The following ZNF236 variants were observed in gnomAD, a reference collection of about 807,000 sequenced individuals.
The protein encoded by ZNF236 is regulated by glucose.
ZNF236 carries 50 observed loss-of-function variants against 191.2 expected under a neutral mutation model. The ratio of observed to expected loss-of-function variants is 0.26; its 90% CI spans 0.21 to 0.33. ZNF236 has a LOEUF of 0.33. ZNF236 is among the 10% of genes least tolerant of loss of function. ZNF236 has a pLI of 1.00. For missense variants in ZNF236, 1,754 were observed against 2,374.5 expected (o/e 0.74, Z 5.43); for synonymous variants, 907 against 928.8 (o/e 0.98, Z 0.43).
At chr18:76,822,692 CGCCGGCGGCCGGTGCGGGGCCCGCGCCCT>C (rs1301563732) in intron 1 of ZNF236, 30 bp downstream of exon 1, 3 of 146,744 alleles carry the variant, frequency 2.0e-5, no homozygotes, top group Non-Finnish European at 4.5e-5. Context: ...CCTCGCGCCC[CGCCGGCGGCCGGTGCGGGGCCCGCGCCCT>C]GCCAGTCCCC....
chr18:76,844,239 C>CAA (rs35737023), intron 1 of ZNF236, among the ~76,000 whole-genome samples: 2 of 86,530 alleles, frequency 2.3e-5, no homozygotes, highest in African/African-American at 4.3e-5. Context: ...GACTCCATCT[C>CAA]AAAAAAAAAA....
At position 76,972,060 on chromosome 18, in the gene ZNF236, T is replaced by G. The variant is rs895518689; in HGVS notation, c.*3721T>G. ...CGGATACTTCTGAAGGAAGCGTTCT[T>G]TTTGTGTCACTTAATCTGTGTTCAC... is the stretch of plus-strand genomic sequence containing the variant. On this transcript the variant is annotated 3_prime_UTR_variant, in exon 31 of 31. Transcript: ENST00000320610. 3.9e-5 allele frequency among the ~76,000 whole-genome samples: 6 copies of G among 152,212 alleles called. No homozygotes were observed. The highest frequency in any genetic ancestry group is 1.4e-4 in the African/African-American group (6 of 41,460).
chr18:76,859,776 AG>A (rs1484815020), intron 3 of ZNF236, among the ~76,000 whole-genome samples: 1 of 152,194 alleles, frequency 6.6e-6, no homozygotes, highest in Non-Finnish European at 1.5e-5. Flanking sequence ...GGTGCACTGC[AG>A]TGCCTCAGTT....
chr18:76,918,393 C>T (rs903623956), intron 19 of ZNF236, among the ~76,000 whole-genome samples: 1 of 152,160 alleles, frequency 6.6e-6, no homozygotes, highest in African/African-American at 2.4e-5. Context: ...CTCTAGATCA[C>T]TTATAATACC....
chr18:76,827,421 C>T (rs939600753), intron 1 of ZNF236, among the ~76,000 whole-genome samples: 3 of 152,014 alleles, frequency 2.0e-5, no homozygotes, highest in Non-Finnish European at 2.9e-5. Context: ...CTCCTGACCT[C>T]GTGATCCCCC....
intron 25 of ZNF236, chr18:76,936,398 C>G (rs1435284266): frequency 2.2e-6 from 1 of 456,630 alleles, no homozygotes; most frequent in Non-Finnish European, 4.4e-6. Context: ...ATGCTGAACC[C>G]GTCTCATCTG....
intron 2 of ZNF236, among the ~76,000 whole-genome samples, chr18:76,850,957 A>G (rs775165823): frequency 2.0e-5 from 3 of 151,356 alleles, no homozygotes; most frequent in Admixed American, 6.6e-5. Context: ...TAGAAGGGAA[A>G]AATCCAACTT....
chr18:76,856,864 G>A (rs1488677694), intron 3 of ZNF236, among the ~76,000 whole-genome samples: 1 of 152,128 alleles, frequency 6.6e-6, no homozygotes, highest in Non-Finnish European at 1.5e-5. Context: ...TGGTTCTTAT[G>A]GCTTGATTAG....
At chr18:76,934,777 G>A (rs142767746) in intron 25 of ZNF236, among the ~76,000 whole-genome samples, 182 of 152,256 alleles carry the variant, frequency 1.2e-3, no homozygotes, top group African/African-American at 3.9e-3. Flanking sequence ...CTGTTCTGCC[G>A]CCCCCACCTC....
chr18:76,960,906 C>T lies in ZNF236; in HGVS notation c.5419+51C>T. 1 of 1,539,488 alleles carries T rather than the reference C, an allele frequency of 6.5e-7. No homozygotes were observed. The highest frequency in any genetic ancestry group is 8.8e-7 in the Non-Finnish European group (1 of 1,140,468). On this transcript the variant is annotated intron_variant, in intron 30 of 30. Transcript: ENST00000320610. The surrounding 1 kb of genome is among the most constrained non-coding windows in gnomAD (Gnocchi z 4.4). ...GTGCTGTTCGGTGGCCTGCGAGGCA[C>T]CCTGTGTTTCGCATACATTGTTTCC...
At chr18:76,938,786 TG>T (rs1322996488) in intron 26 of ZNF236, among the ~76,000 whole-genome samples, 1 of 152,150 alleles carries the variant, frequency 6.6e-6, no homozygotes, top group Non-Finnish European at 1.5e-5. Flanking sequence ...CTGACCTGCC[TG>T]TAGCCAAGCA....
chr18:76,822,906 TGAGGCGG>T (rs1235852784), intron 1 of ZNF236, among the ~76,000 whole-genome samples: 141 of 147,538 alleles, frequency 9.6e-4, no homozygotes, highest in African/African-American at 3.1e-3. Flanking sequence ...GGGCGGCGGC[TGAGGCGG>T]GAGGCGGGAG....
chr18:76,826,863 C>A (rs1444153197), intron 1 of ZNF236, among the ~76,000 whole-genome samples: 1 of 150,468 alleles, frequency 6.6e-6, no homozygotes, highest in South Asian at 2.1e-4. Context: ...CCTTCATGTA[C>A]ACTAATTCCT....
intron 3 of ZNF236, among the ~76,000 whole-genome samples, chr18:76,864,196 CTTTTTTTT>C (rs1202084465): frequency 4.5e-5 from 6 of 132,160 alleles, no homozygotes; most frequent in African/African-American, 1.4e-4. Flanking sequence ...CAACAAATAT[CTTTTTTTT>C]TTTTTTTTTT....
rs907396411 is a variant in ZNF236, at chr18:76,925,790, T to C, written c.4027+236T>C. Reference sequence around the variant, plus strand: ...TGCTTTTTTACACTAAGCACTTTGTTTAGCTTTTGTTTTTAGTGGGTGTAA... The same window carrying C: ...TGCTTTTTTACACTAAGCACTTTGTCTAGCTTTTGTTTTTAGTGGGTGTAA... On this transcript the variant is annotated intron_variant, in intron 22 of 30. Coordinates refer to ENST00000320610, the MANE Select transcript of ZNF236 (RefSeq NM_001306089.2). The surrounding 1 kb of genome is among the most constrained non-coding windows in gnomAD (Gnocchi z 5.7). Among the ~76,000 whole-genome samples the C allele has an allele frequency of 3.9e-5, 6 of 152,354 alleles. No homozygotes were observed. The highest frequency in any genetic ancestry group is 1.4e-4 in the African/African-American group (6 of 41,594).
chr18:76,905,260 T>G lies in ZNF236; in HGVS notation c.2142T>G (p.Ser714=). Residue 714 remains serine (S), a synonymous_variant, in exon 13 of 31, where the codon TCT becomes TCG. Transcript: ENST00000320610. The stretch of plus-strand genomic sequence containing the variant: ...TCAGAACACACACAGGACTGAAATC[T>G]TTCAAGTGTCTGATATGTAATGGGG... ...AHIRTHTGLK[S]FKCLICNGAF... is the part of the protein sequence containing the mutation. 1 of 1,614,238 alleles carries G rather than the reference T, an allele frequency of 6.2e-7. No individual in the cohort carries two copies. The highest frequency in any genetic ancestry group is 1.3e-5 in the African/African-American group (1 of 75,074).
chr18:76,959,549 TAAG>T, intron 28 of ZNF236, 135 bp from the exon 29 acceptor site: 1 of 1,079,726 alleles, frequency 9.3e-7, no homozygotes, highest in Non-Finnish European at 1.3e-6. Flanking sequence ...TTGAAGTCCT[TAAG>T]AACACAAATC....
chr18:76,965,732 G>T lies in ZNF236; in HGVS notation c.5420-2483G>T, dbSNP rs117432796. ...GGTTGTCTGCACAGAGTCCTGTGATGTGAACCATTCATGGTCTCTCAGCCA... is the reference window on the plus strand; with the variant it reads ...GGTTGTCTGCACAGAGTCCTGTGATTTGAACCATTCATGGTCTCTCAGCCA... On this transcript the variant is annotated intron_variant, in intron 30 of 30. Coordinates refer to ENST00000320610, the MANE Select transcript of ZNF236 (RefSeq NM_001306089.2). Among the ~76,000 whole-genome samples, 173 of 152,362 alleles carry T rather than the reference G, an allele frequency of 1.1e-3. 2 individuals carry two copies. Among genetic ancestry groups the T allele is most frequent in the Admixed American group, 2.4e-3 (36 of 15,308 alleles).
chr18:76,832,883 C>T lies in ZNF236; in HGVS notation c.55+10221C>T, dbSNP rs138190459. On this transcript the variant is annotated intron_variant, in intron 1 of 30. Transcript: ENST00000320610. ...TGATCTCTCCTATCATTTCTTTCCT[C>T]GTTATCGTCTCTTGGTAATGTTTTG... Among the ~76,000 whole-genome samples the T allele has an allele frequency of 2.4e-3, 363 of 152,026 alleles. 1 individual carries two copies. The highest frequency in any genetic ancestry group is 8.0e-3 in the African/African-American group (333 of 41,482).
Sources: gnomAD v4.1 joint callset for allele counts (sites outside exome capture counted in the v4.1 genomes callset) on GRCh38, gnomAD v4.1.1 for gene constraint, Gnocchi (gnomAD v3.1) non-coding constraint, MANE v1.5 for transcripts, NCBI Gene and HGNC (gene_info 2026-07-23, HGNC 2026-07-21) for gene names.